The following TSHZ2 variants were observed in gnomAD, a reference collection of about 807,000 sequenced individuals.
The protein encoded by TSHZ2 is teashirt zinc finger homeobox 2.
TSHZ2 carries 21 observed loss-of-function variants against 74.4 expected under a neutral mutation model. That is an observed-to-expected ratio of 0.28 (90% CI 0.20 to 0.41). The LOEUF is 0.41. Among genes scored for constraint, TSHZ2 ranks in the 10% least tolerant of loss-of-function variants. The probability of loss-of-function intolerance (pLI) is 1.00; values close to 1 mark genes in which losing one functional copy is unlikely to be tolerated. For missense variants in TSHZ2, 1,244 were observed against 1,293.5 expected, an observed-to-expected ratio of 0.96 and a Z score of 0.59; for synonymous variants, 540 against 515.3, an observed-to-expected ratio of 1.05 and a Z score of -0.65.
intron 1 of TSHZ2, among the ~76,000 whole-genome samples, chr20:53,214,549 C>T (rs1989390741): frequency 6.6e-6 from 1 of 152,092 alleles, no homozygotes; most frequent in African/African-American, 2.4e-5. Flanking sequence ...CATGTCTCTA[C>T]TAATAATATA....
At chr20:53,070,598 C>T (rs751122748) in intron 1 of TSHZ2, among the ~76,000 whole-genome samples, 1 of 152,160 alleles carries the variant, frequency 6.6e-6, no homozygotes, top group Non-Finnish European at 1.5e-5. Context: ...ATACATTACT[C>T]CTTCACACTT....
intron 2 of TSHZ2, among the ~76,000 whole-genome samples, chr20:53,479,854 C>T (rs6091682): frequency 0.2 from 30,418 of 152,010 alleles, 3,213 homozygotes; most frequent in East Asian, 0.3. Flanking sequence ...AATGCATAGA[C>T]GGGCGGCCCC....
In TSHZ2 at chr20:53,490,722, A is replaced by G. The variant is rs558241806; in HGVS notation, c.*3587A>G. 4 of 152,370 alleles carry G rather than the reference A, an allele frequency of 2.6e-5. No homozygotes were observed. Among genetic ancestry groups the G allele is most frequent in the African/African-American group, 9.6e-5 (4 of 41,594 alleles). 9.4% of individuals were successfully genotyped at this position (152,370 alleles called of 1,614,324 possible). ...CGCTGAACTTAGTTGAGATGCAGAA[A>G]ACAAACAAATGCAATGACATATCTG... On this transcript the variant is annotated 3_prime_UTR_variant, in exon 3 of 3. Transcript: ENST00000371497.
At chr20:53,268,213 A>G (rs577840098) in intron 2 of TSHZ2, among the ~76,000 whole-genome samples, 55 of 152,198 alleles carry the variant, frequency 3.6e-4, no homozygotes, top group African/African-American at 8.9e-4. Flanking sequence ...CCTCCAATAC[A>G]TTATATGTTC....
intron 1 of TSHZ2, among the ~76,000 whole-genome samples, chr20:53,145,454 C>CT (rs1309140960): frequency 1.3e-5 from 2 of 152,064 alleles, no homozygotes; most frequent in African/African-American, 4.8e-5. Flanking sequence ...CACATTCTTT[C>CT]TTTGGTTGTT....
intron 1 of TSHZ2, among the ~76,000 whole-genome samples, chr20:52,988,315 G>A (rs1482720618): frequency 1.3e-5 from 2 of 151,708 alleles, no homozygotes; most frequent in East Asian, 3.9e-4. Flanking sequence ...TATGATTATT[G>A]GCCAATTGAA....
At chr20:53,024,066 G>A (rs976560845) in intron 1 of TSHZ2, among the ~76,000 whole-genome samples, 3 of 151,582 alleles carry the variant, frequency 2.0e-5, no homozygotes, top group Non-Finnish European at 2.9e-5. Context: ...AAGTAGTGTG[G>A]GTGGGAAGGA....
At chr20:53,417,374 GC>G (rs1402580571) in intron 2 of TSHZ2, among the ~76,000 whole-genome samples, 13 of 151,680 alleles carry the variant, frequency 8.6e-5, no homozygotes, top group Non-Finnish European at 1.5e-4. Flanking sequence ...TTGGCTTACT[GC>G]AACCTCTGCC....
chr20:53,149,238 C>A (rs1434612722), intron 1 of TSHZ2, among the ~76,000 whole-genome samples: 3 of 151,272 alleles, frequency 2.0e-5, no homozygotes, highest in Non-Finnish European at 2.9e-5. Context: ...TCACTGACAT[C>A]CCTGTCTGTG....
intron 2 of TSHZ2, among the ~76,000 whole-genome samples, chr20:53,324,432 C>T (rs1354709904): frequency 6.6e-6 from 1 of 152,138 alleles, no homozygotes; most frequent in Non-Finnish European, 1.5e-5. Context: ...GGCTGGAGTA[C>T]AGTGATGCAA....
chr20:53,100,692 C>T (rs1986191810), intron 1 of TSHZ2, among the ~76,000 whole-genome samples: 1 of 152,146 alleles, frequency 6.6e-6, no homozygotes, highest in Admixed American at 6.5e-5. Flanking sequence ...TGTGGTCCCA[C>T]CCCCAACCCT....
chr20:53,434,948 C>T (rs1983990689), intron 2 of TSHZ2, among the ~76,000 whole-genome samples: 1 of 152,198 alleles, frequency 6.6e-6, no homozygotes, highest in African/African-American at 2.4e-5. Context: ...CAAAATTCTT[C>T]CGAGCCAGAA....
chr20:53,118,184 G>T (rs981331677), intron 1 of TSHZ2, among the ~76,000 whole-genome samples: 1 of 152,194 alleles, frequency 6.6e-6, no homozygotes, highest in Non-Finnish European at 1.5e-5. Flanking sequence ...ATGGGTAAAT[G>T]GTTCTTACGA....
Position 53,311,721 on chromosome 20 carries a change from G to T in TSHZ2, c.*8+55150G>T, listed in dbSNP as rs115847081. On this transcript the variant is annotated intron_variant, in intron 2 of 2. Transcript: ENST00000371497. ...TTCCCAGCAGTTTCCACTCTCATGA[G>T]CACTGTGCCCATCTTCATGAGGAGA... Among the ~76,000 whole-genome samples, 566 of 152,318 alleles carry T rather than the reference G, an allele frequency of 3.7e-3. 4 individuals carry two copies. The highest frequency in any genetic ancestry group is 0.013 in the African/African-American group (531 of 41,568).
intron 1 of TSHZ2, among the ~76,000 whole-genome samples, chr20:53,127,458 T>C (rs1433395950): frequency 6.6e-6 from 1 of 152,236 alleles, no homozygotes; most frequent in African/African-American, 2.4e-5. Flanking sequence ...AATCCCCCAA[T>C]GCTTTCGGAA....
intron 2 of TSHZ2, among the ~76,000 whole-genome samples, chr20:53,463,445 G>GGGAA (rs1244651220): frequency 0.045 from 5,048 of 113,080 alleles, 245 homozygotes; most frequent in East Asian, 0.12. Context: ...GAGGGAGGGA[G>GGGAA]GGAAGGAAGG....
chr20:53,040,876 C>T (rs751314154), intron 1 of TSHZ2, among the ~76,000 whole-genome samples: 5 of 152,138 alleles, frequency 3.3e-5, no homozygotes, highest in African/African-American at 4.8e-5. Context: ...CAGCCTGGCA[C>T]GGTGCCAAGT....
At chr20:53,168,229 A>G (rs1988107570) in intron 1 of TSHZ2, among the ~76,000 whole-genome samples, 1 of 152,188 alleles carries the variant, frequency 6.6e-6, no homozygotes, top group Non-Finnish European at 1.5e-5. Flanking sequence ...GCTGTCCTGT[A>G]TATCGTCGGA....
chr20:53,187,430 T>G (rs1033209086), intron 1 of TSHZ2, among the ~76,000 whole-genome samples: 6 of 152,200 alleles, frequency 3.9e-5, no homozygotes, highest in African/African-American at 1.4e-4. Context: ...TCTCGAGCTT[T>G]GATAAATGGC....
Sources: gnomAD v4.1 joint callset for allele counts (sites outside exome capture counted in the v4.1 genomes callset) on GRCh38, gnomAD v4.1.1 for gene constraint, MANE v1.5 for transcripts, NCBI Gene and HGNC (gene_info 2026-07-23, HGNC 2026-07-21) for gene names.